Variants in CCDC7 observed in about 807,000 individuals in gnomAD.
The protein encoded by CCDC7 is coiled-coil domain-containing protein 7.
In CCDC7, 183 loss-of-function variants were observed where a neutral mutation model predicts 196.9. That is an observed-to-expected ratio of 0.93 (90% CI 0.82 to 1.05). The LOEUF (loss-of-function observed/expected upper bound fraction) is 1.05. Among genes scored for constraint, CCDC7 ranks in the 50% least tolerant of loss-of-function variants. The probability of loss-of-function intolerance (pLI) is 0.00; values close to 1 mark genes in which losing one functional copy is unlikely to be tolerated. For missense variants in CCDC7, 1,540 were observed against 1,482.2 expected (o/e 1.04, Z -0.64); for synonymous variants, 525 against 484.6 (o/e 1.08, Z -1.10).
At chr10:32,565,680 C>G in intron 14 of CCDC7, 60 bp downstream of exon 15, 1 of 1,546,990 alleles carries the variant, frequency 6.5e-7, no homozygotes, top group Non-Finnish European at 8.8e-7. Flanking sequence ...CCACAAAGAA[C>G]TTTTCAAATG....
chr10:32,720,140 C>T (rs148718151), intron 25 of CCDC7, among the ~76,000 whole-genome samples: 2 of 152,138 alleles, frequency 1.3e-5, no homozygotes, highest in African/African-American at 4.8e-5. Context: ...TTGGAACCAA[C>T]CCAAATGCCC....
At chr10:32,814,281 C>CT (rs2087868513) in intron 30 of CCDC7, 89 bp from the exon 32 acceptor site, 1 of 918,790 alleles carries the variant, frequency 1.1e-6, no homozygotes, top group Non-Finnish European at 1.7e-6. Flanking sequence ...GTTAGTAACA[C>CT]ACACACATAT....
chr10:32,452,179 A>G (rs2033238540), intron 1 of CCDC7, among the ~76,000 whole-genome samples: 1 of 152,206 alleles, frequency 6.6e-6, no homozygotes, highest in African/African-American at 2.4e-5. Context: ...GCCAGGGAAA[A>G]TCATTAGAAA....
At chr10:32,672,605 G>A (rs1462967934) in intron 21 of CCDC7, among the ~76,000 whole-genome samples, 2 of 152,154 alleles carry the variant, frequency 1.3e-5, no homozygotes, top group Admixed American at 1.3e-4. Context: ...TTCCTGGTGG[G>A]GATGGCTCTT....
chr10:32,619,910 CTTTTT>C (rs56089046), intron 18 of CCDC7, among the ~76,000 whole-genome samples: 14 of 79,272 alleles, frequency 1.8e-4, no homozygotes, highest in African/African-American at 3.3e-4. Flanking sequence ...TTCAATGTAC[CTTTTT>C]TTTTTTTTTT....
At chr10:32,526,912 G>T (rs978404546) in intron 11 of CCDC7, among the ~76,000 whole-genome samples, 10 of 152,128 alleles carry the variant, frequency 6.6e-5, no homozygotes, top group African/African-American at 2.2e-4. Flanking sequence ...ATACCAGGTG[G>T]TATCTTCGTA....
chr10:32,666,521 C>A (rs1044728463), intron 21 of CCDC7, among the ~76,000 whole-genome samples: 1 of 147,562 alleles, frequency 6.8e-6, no homozygotes, highest in Admixed American at 6.7e-5. Context: ...TGCTATCGGT[C>A]CCCCCTCCCC....
At chr10:32,642,762 G>T (rs2067073153) in intron 20 of CCDC7, among the ~76,000 whole-genome samples, 1 of 152,178 alleles carries the variant, frequency 6.6e-6, no homozygotes, top group Non-Finnish European at 1.5e-5. Flanking sequence ...ACTGGGATCT[G>T]TAGACTGGAG....
chr10:32,647,352 GA>G (rs896313562), intron 20 of CCDC7, among the ~76,000 whole-genome samples: 1 of 151,484 alleles, frequency 6.6e-6, no homozygotes, highest in African/African-American at 2.4e-5. Context: ...ACTGAAAATA[GA>G]AAAAAAACAG....
At chr10:32,816,800 A>C (rs1458141440) in intron 31 of CCDC7, among the ~76,000 whole-genome samples, 1 of 152,182 alleles carries the variant, frequency 6.6e-6, no homozygotes, top group Non-Finnish European at 1.5e-5. Flanking sequence ...GAAAACTAAC[A>C]AACACAAAGG....
At chr10:32,851,586 T>A (rs1272628319) in intron 39 of CCDC7, among the ~76,000 whole-genome samples, 1 of 152,182 alleles carries the variant, frequency 6.6e-6, no homozygotes, top group Non-Finnish European at 1.5e-5. Flanking sequence ...TGTAGTTCAA[T>A]TCCAGTGTTT....
At chr10:32,797,538 A>G (rs2083855535) in intron 29 of CCDC7, among the ~76,000 whole-genome samples, 1 of 152,026 alleles carries the variant, frequency 6.6e-6, no homozygotes, top group Non-Finnish European at 1.5e-5. Context: ...GGAGTAAGGG[A>G]TAAAAGGCTA....
intron 30 of CCDC7, among the ~76,000 whole-genome samples, chr10:32,812,515 G>T (rs905536608): frequency 6.6e-6 from 1 of 152,040 alleles, no homozygotes; most frequent in Non-Finnish European, 1.5e-5. Flanking sequence ...CTGGAATTTA[G>T]TATAAATTTA....
intron 8 of CCDC7, among the ~76,000 whole-genome samples, chr10:32,485,518 A>G (rs1014358858): frequency 5.3e-5 from 8 of 151,868 alleles, no homozygotes; most frequent in African/African-American, 1.5e-4. Flanking sequence ...GATCTTAGTT[A>G]TTTCTTGCCT....
At chr10:32,668,306 C>T (rs563694951) in intron 21 of CCDC7, among the ~76,000 whole-genome samples, 2 of 152,266 alleles carry the variant, frequency 1.3e-5, no homozygotes, top group East Asian at 1.9e-4. Flanking sequence ...ACAATCATGT[C>T]ATCTGCAAAC....
At chr10:32,700,195 A>G (rs2078443185) in intron 24 of CCDC7, among the ~76,000 whole-genome samples, 1 of 149,634 alleles carries the variant, frequency 6.7e-6, no homozygotes, top group Non-Finnish European at 1.5e-5. Context: ...TAGGTCTAAC[A>G]TTTAAGTCTT....
chr10:32,822,061 T>C (rs1403809764), intron 31 of CCDC7, among the ~76,000 whole-genome samples: 2 of 151,916 alleles, frequency 1.3e-5, no homozygotes, highest in African/African-American at 2.4e-5. Flanking sequence ...TCAGAAAAGG[T>C]GAAATATGAA....
chr10:32,447,532 T>C (rs1378919320), upstream of CCDC7, among the ~76,000 whole-genome samples: 1 of 152,190 alleles, frequency 6.6e-6, no homozygotes, highest in African/African-American at 2.4e-5. Flanking sequence ...GTAAATTTAA[T>C]CTTGGTTTCT....
At chr10:32,500,300 G>C (rs1430494794) in intron 9 of CCDC7, among the ~76,000 whole-genome samples, 1 of 151,674 alleles carries the variant, frequency 6.6e-6, no homozygotes, top group Admixed American at 6.6e-5. Context: ...CGGGGCAGCT[G>C]CTGGGCGGAG....
Sources: gnomAD v4.1 joint callset for allele counts (sites outside exome capture counted in the v4.1 genomes callset) on GRCh38, gnomAD v4.1.1 for gene constraint, MANE v1.5 for transcripts, NCBI Gene and HGNC (gene_info 2026-07-23, HGNC 2026-07-21) for gene names.